BLMH: variants seen among roughly 807,000 people sequenced by gnomAD.
BLMH encodes the protein BLM hydrolase.
BLMH carries 32 observed loss-of-function variants against 61.6 expected under a neutral mutation model. The observed-to-expected ratio is 0.52, with a 90% confidence interval of 0.39 to 0.70. The LOEUF is 0.70. BLMH is among the 30% of genes least tolerant of loss of function. The pLI is 0.00. For synonymous variants in BLMH, 183 were observed against 193.8 expected (o/e 0.94, Z 0.46); for missense variants, 460 against 555.5 (o/e 0.83, Z 1.73).
chr17:30,271,452 T>C, intron 9 of BLMH, 64 bp from the exon 10 acceptor site: 1 of 1,320,172 alleles, frequency 7.6e-7, no homozygotes, highest in Non-Finnish European at 1.1e-6. Context: ...GGCTTTTGGT[T>C]GTAAAAGGAA....
chr17:30,282,136 G>A (rs1485581311), intron 6 of BLMH, among the ~76,000 whole-genome samples: 2 of 151,698 alleles, frequency 1.3e-5, no homozygotes, highest in Non-Finnish European at 2.9e-5. Context: ...CTGGACTCAA[G>A]TGATCTGCCT....
intron 11 of BLMH, 181 bp from the exon 12 acceptor site, chr17:30,249,349 GGCTCTATTTTTAGAAAAATT>G: frequency 1.5e-6 from 1 of 687,904 alleles, no homozygotes; most frequent in South Asian, 2.1e-5. Flanking sequence ...GGACAGGCAT[GGCTCTATTTTTAGAAAAATT>G]AGAAAACCGG....
intron 6 of BLMH, among the ~76,000 whole-genome samples, chr17:30,284,063 T>G (rs1420330060): frequency 1.3e-5 from 2 of 152,186 alleles, no homozygotes; most frequent in Admixed American, 1.3e-4. Context: ...CACAGACTGT[T>G]AAGTAAAAGA....
At chr17:30,284,370 T>C (rs1166064492) in intron 6 of BLMH, among the ~76,000 whole-genome samples, 2 of 152,134 alleles carry the variant, frequency 1.3e-5, no homozygotes, top group Non-Finnish European at 2.9e-5. Flanking sequence ...GATTACACAC[T>C]CCACTGCTCC....
In BLMH at chr17:30,268,061, C is replaced by T. The variant is rs559214935; in HGVS notation, c.1147-1107G>A. Among the ~76,000 whole-genome samples the T allele has an allele frequency of 2.0e-3, 310 of 152,320 alleles. 1 individual carries two copies. Among genetic ancestry groups the T allele is most frequent in the African/African-American group, 7.0e-3 (293 of 41,570 alleles). On this transcript the variant is annotated intron_variant, in intron 10 of 11. Coordinates refer to ENST00000261714, the MANE Select transcript of BLMH (RefSeq NM_000386.4). The stretch of plus-strand genomic sequence containing the variant: ...AATCCTTACTCTTTGCCCCCAAATC[C>T]TTTAAAACCATATCGTTATATACTA...
chr17:30,254,084 G>A (rs1277012796), intron 11 of BLMH, among the ~76,000 whole-genome samples: 2 of 152,100 alleles, frequency 1.3e-5, no homozygotes, highest in African/African-American at 2.4e-5. Flanking sequence ...CACCAGAAAT[G>A]TAAGATTTAA....
chr17:30,282,010 T>C (rs1262747765), intron 6 of BLMH, among the ~76,000 whole-genome samples: 1 of 152,140 alleles, frequency 6.6e-6, no homozygotes, highest in Non-Finnish European at 1.5e-5. Context: ...TAAAGGCTTC[T>C]TTTCCCTTTT....
At chr17:30,272,533 C>T in intron 9 of BLMH, 28 bp downstream of exon 9, 1 of 1,613,234 alleles carries the variant, frequency 6.2e-7, no homozygotes, top group Non-Finnish European at 8.5e-7. Flanking sequence ...CCACAAATGA[C>T]TTTCCATTTT....
intron 11 of BLMH, among the ~76,000 whole-genome samples, chr17:30,252,533 C>CA (rs34594289): frequency 0.39 from 25,570 of 66,406 alleles, 5,883 homozygotes; most frequent in Non-Finnish European, 0.5. Context: ...CCCATCCTCA[C>CA]AAAAAAAAAA....
intron 11 of BLMH, among the ~76,000 whole-genome samples, chr17:30,256,118 C>T (rs1168836269): frequency 6.6e-6 from 1 of 152,128 alleles, no homozygotes; most frequent in East Asian, 1.9e-4. Flanking sequence ...AGCTCCTGGG[C>T]TCAAGCAATC....
At chr17:30,262,053 C>T (rs1234894131) in intron 11 of BLMH, among the ~76,000 whole-genome samples, 2 of 152,188 alleles carry the variant, frequency 1.3e-5, no homozygotes, top group African/African-American at 4.8e-5. Context: ...AAATGGAAAA[C>T]TCATCTTGGT....
chr17:30,267,096 C>CTA (rs1274282834), intron 10 of BLMH, 142 bp from the exon 11 acceptor site: 2 of 653,702 alleles, frequency 3.1e-6, no homozygotes, highest in Admixed American at 2.4e-5. Context: ...GCAGCCTGCT[C>CTA]TAAACAGTAC....
At chr17:30,268,155 A>C (rs938823311) in intron 10 of BLMH, among the ~76,000 whole-genome samples, 4 of 152,148 alleles carry the variant, frequency 2.6e-5, no homozygotes, top group Non-Finnish European at 5.9e-5. Context: ...GTCCAACTTT[A>C]CTTTCCTTTT....
At chr17:30,283,517 T>A (rs911707808) in intron 6 of BLMH, among the ~76,000 whole-genome samples, 1 of 141,370 alleles carries the variant, frequency 7.1e-6, no homozygotes, top group African/African-American at 2.7e-5. Context: ...TATACCTCCA[T>A]CTTTTTTTTT....
intron 10 of BLMH, among the ~76,000 whole-genome samples, chr17:30,269,897 T>C (rs946714994): frequency 2.0e-5 from 3 of 152,228 alleles, no homozygotes; most frequent in Non-Finnish European, 2.9e-5. Context: ...CTTAAAGCAC[T>C]AGCCTTATAA....
intron 11 of BLMH, among the ~76,000 whole-genome samples, chr17:30,257,740 A>G (rs1907854335): frequency 6.6e-6 from 1 of 152,156 alleles, no homozygotes; most frequent in African/African-American, 2.4e-5. Context: ...TGCTGTGAGG[A>G]AAGAGGGCAG....
chr17:30,253,262 A>G (rs910594231), intron 11 of BLMH, among the ~76,000 whole-genome samples: 11 of 152,108 alleles, frequency 7.2e-5, no homozygotes, highest in Admixed American at 2.0e-4. Context: ...CAGAAGATGG[A>G]CAATAAGTAC....
At position 30,249,043 on chromosome 17, in the gene BLMH, C is replaced by T. The variant is rs754708269; in HGVS notation, c.1342G>A (p.Asp448Asn). ...EQEPIILPAW[D>N]PMGALAE ...CACTCAGCCAAAGCTCCCATGGGGTCCCATGCTGGCAGGATAATGGGTTCC... is the reference window on the plus strand; with the variant it reads ...CACTCAGCCAAAGCTCCCATGGGGTTCCATGCTGGCAGGATAATGGGTTCC... The change falls in exon 12 of 12, where the codon GAC becomes AAC. Residue 448 changes from aspartate to asparagine, a missense_variant. By Grantham distance (23) the Asp-to-Asn change is conservative. Coordinates refer to ENST00000261714, the MANE Select transcript of BLMH (RefSeq NM_000386.4). 1.2e-6 allele frequency: 2 copies of T among 1,614,038 alleles called. No individual in the cohort carries two copies. Among genetic ancestry groups the T allele is most frequent in the Admixed American group, 3.3e-5 (2 of 60,018 alleles).
At chr17:30,291,286 G>T in intron 2 of BLMH, 25 bp downstream of exon 2, 1 of 1,600,524 alleles carries the variant, frequency 6.2e-7, no homozygotes, top group South Asian at 1.1e-5. Context: ...GTCAAGGAAC[G>T]TATGGGAGAA....
Sources: gnomAD v4.1 joint callset for allele counts (sites outside exome capture counted in the v4.1 genomes callset) on GRCh38, gnomAD v4.1.1 for gene constraint, MANE v1.5 for transcripts, NCBI Gene and HGNC (gene_info 2026-07-23, HGNC 2026-07-21) for gene names.